Variants in NETO1 observed in about 807,000 individuals in gnomAD.
NETO1 encodes the protein neuropilin and tolloid-like protein 1.
NETO1 carries 26 observed loss-of-function variants against 61.3 expected under a neutral mutation model. The ratio of observed to expected loss-of-function variants is 0.42; its 90% CI spans 0.31 to 0.59. The LOEUF is 0.59. NETO1 is among the 20% of genes least tolerant of loss of function. The pLI is 0.12. For missense variants in NETO1, 531 were observed against 662.8 expected (o/e 0.80, Z 2.18); for synonymous variants, 225 against 225.8 (o/e 1.00, Z 0.03).
At chr18:72,778,123 G>A (rs750575791) in intron 7 of NETO1, among the ~76,000 whole-genome samples, 20 of 152,190 alleles carry the variant, frequency 1.3e-4, no homozygotes, top group Non-Finnish European at 2.4e-4. Context: ...ACGAGGTAGT[G>A]GTGGACAGTG....
At chr18:72,752,488 T>C (rs2070653917) in intron 8 of NETO1, among the ~76,000 whole-genome samples, 1 of 152,114 alleles carries the variant, frequency 6.6e-6, no homozygotes, top group African/African-American at 2.4e-5. Context: ...ACTAAAATGG[T>C]CCAGCCAAGT....
At chr18:72,839,074 T>C (rs1240551140) in intron 4 of NETO1, among the ~76,000 whole-genome samples, 1 of 152,198 alleles carries the variant, frequency 6.6e-6, no homozygotes, top group African/African-American at 2.4e-5. Flanking sequence ...CGCTTGACCT[T>C]TAACAAATTT....
At chr18:72,832,659 T>C (rs531159657) in intron 4 of NETO1, among the ~76,000 whole-genome samples, 3 of 152,192 alleles carry the variant, frequency 2.0e-5, no homozygotes, top group Admixed American at 6.5e-5. Context: ...ATCCAAGGGA[T>C]TGATGTTTGA....
chr18:72,827,732 A>G (rs1230043431), intron 4 of NETO1, among the ~76,000 whole-genome samples: 1 of 145,224 alleles, frequency 6.9e-6, no homozygotes, highest in Non-Finnish European at 1.5e-5. Context: ...AAAAAAAAAA[A>G]AAAAAGAAAG....
intron 7 of NETO1, among the ~76,000 whole-genome samples, chr18:72,776,309 GAAC>G (rs1430074545): frequency 6.6e-6 from 1 of 152,126 alleles, no homozygotes; most frequent in Non-Finnish European, 1.5e-5. Flanking sequence ...CTCATTACCA[GAAC>G]AACATCAAGC....
chr18:72,845,541 T>C (rs1309554547), intron 4 of NETO1, among the ~76,000 whole-genome samples: 2 of 152,210 alleles, frequency 1.3e-5, no homozygotes, highest in Non-Finnish European at 2.9e-5. Context: ...ACCACAACAA[T>C]GATTTGGCAT....
At chr18:72,784,079 T>A (rs1203185485) in intron 6 of NETO1, among the ~76,000 whole-genome samples, 173 bp from the exon 7 acceptor site, 3 of 145,030 alleles carry the variant, frequency 2.1e-5, no homozygotes, top group African/African-American at 8.6e-5. Context: ...GTGTTTAATA[T>A]TTTTTTTCAA....
chr18:72,854,853 A>G (rs2145610953), intron 4 of NETO1, among the ~76,000 whole-genome samples: 1 of 150,650 alleles, frequency 6.6e-6, no homozygotes, highest in East Asian at 1.9e-4. Context: ...AGCATTATCA[A>G]TAAAGTTGAG....
At chr18:72,827,139 T>A (rs1230498696) in intron 4 of NETO1, among the ~76,000 whole-genome samples, 1 of 150,404 alleles carries the variant, frequency 6.6e-6, no homozygotes, top group Non-Finnish European at 1.5e-5. Flanking sequence ...AATATCAACC[T>A]TCTAATATTT....
chr18:72,778,547 C>G (rs1244586813), intron 7 of NETO1, among the ~76,000 whole-genome samples: 1 of 152,164 alleles, frequency 6.6e-6, no homozygotes, highest in Non-Finnish European at 1.5e-5. Context: ...CAAGCAATAC[C>G]TTCCACAAAA....
At position 72,837,805 on chromosome 18, in the gene NETO1, C is replaced by T. The variant is rs144974968; in HGVS notation, c.469+21021G>A. Among the ~76,000 whole-genome samples, 9 of 152,298 alleles carry T rather than the reference C, an allele frequency of 5.9e-5. No individual in the cohort carries two copies. In the East Asian group the frequency reaches 1.7e-3, roughly 29 times the overall value. On this transcript the variant is annotated intron_variant, in intron 4 of 10. Coordinates refer to ENST00000327305, the MANE Select transcript of NETO1 (RefSeq NM_138966.5). ...TCAGTTCTTAAAAAACAAACACCAC[C>T]ACCAACAAAAACCTTTTAGGACTCA...
rs898429894 is a variant in NETO1 at position 72,745,492 on chromosome 18, C to T, written c.*2687G>A. The T allele has an allele frequency of 5.3e-5, 8 of 152,102 alleles. No homozygotes were observed. The East Asian group carries it at 1.5e-3, about 29-fold the overall frequency. 9.4% of individuals were successfully genotyped at this position (152,102 alleles called of 1,614,324 possible). On this transcript the variant is annotated 3_prime_UTR_variant, in exon 11 of 11. Transcript: ENST00000327305. The stretch of plus-strand genomic sequence containing the variant: ...ATTATTTGAAATCATCTTGTTAAAT[C>T]AATAAAGCACTTGGGTTGGTAATAT...
At chr18:72,811,661 C>T (rs1824913604) in intron 4 of NETO1, among the ~76,000 whole-genome samples, 2 of 151,984 alleles carry the variant, frequency 1.3e-5, no homozygotes, top group African/African-American at 2.4e-5. Flanking sequence ...TAAAACGAGC[C>T]GGGTGTGGTG....
rs543761586 is a variant in NETO1 at position 72,830,160 on chromosome 18, A to G, written c.469+28666T>C. ...TATGGCTTTATCATCATAGAGGATC[A>G]TGCATGTAAGCCGTCCACAGCATAG... On this transcript the variant is annotated intron_variant, in intron 4 of 10. Transcript: ENST00000327305. The surrounding 1 kb of genome is among the most constrained non-coding windows in gnomAD (Gnocchi z 4.9). Among the ~76,000 whole-genome samples the G allele has an allele frequency of 3.3e-5, 5 of 152,298 alleles. No homozygotes were observed. The highest frequency in any genetic ancestry group is 1.9e-4 in the East Asian group (1 of 5,174).
At chr18:72,758,245 G>GTACTGGTAAAATACTACATA in intron 7 of NETO1, among the ~76,000 whole-genome samples, 1 of 151,984 alleles carries the variant, frequency 6.6e-6, no homozygotes, top group African/African-American at 2.4e-5. Flanking sequence ...CATATTAGTG[G>GTACTGGTAAAATACTACATA]TTTTACCAAG....
At chr18:72,865,156 T>C (rs1270784799) in intron 2 of NETO1, 32 bp downstream of exon 2, 4 of 1,593,758 alleles carry the variant, frequency 2.5e-6, no homozygotes, top group Middle Eastern at 1.7e-4. Flanking sequence ...TAATTCGAGG[T>C]CTTCCACTAG....
At chr18:72,823,120 C>T (rs568847775) in intron 4 of NETO1, among the ~76,000 whole-genome samples, 1 of 152,276 alleles carries the variant, frequency 6.6e-6, no homozygotes, top group Non-Finnish European at 1.5e-5. Context: ...TCTTTCATGT[C>T]CTTCCCATTT....
chr18:72,813,079 T>G (rs374670552), intron 4 of NETO1, among the ~76,000 whole-genome samples: 68 of 152,256 alleles, frequency 4.5e-4, no homozygotes, highest in African/African-American at 1.6e-3. Context: ...ACCACTTACG[T>G]GAGCTGAATG....
rs1472959435 is a variant in NETO1 at position 72,745,423 on chromosome 18, AAAG to A, written c.*2753_*2755del. ...TGAAAACTTGAAAAAATAAAATGAA[AAAG>A]AATAGCTTTATGAAATTAACACAGC... On this transcript the variant is annotated 3_prime_UTR_variant, in exon 11 of 11. Transcript: ENST00000327305. 1.3e-5 allele frequency: 2 copies of A among 152,210 alleles called. No homozygotes were observed. Among genetic ancestry groups the A allele is most frequent in the Admixed American group, 6.5e-5 (1 of 15,282 alleles). The allele number at this position is 152,210 out of a possible 1,614,324, so 9.4% of individuals were successfully genotyped here.
Sources: gnomAD v4.1 joint callset for allele counts (sites outside exome capture counted in the v4.1 genomes callset) on GRCh38, gnomAD v4.1.1 for gene constraint, Gnocchi (gnomAD v3.1) non-coding constraint, MANE v1.5 for transcripts, NCBI Gene and HGNC (gene_info 2026-07-23, HGNC 2026-07-21) for gene names.